Variants in SP140 observed in about 807,000 individuals in gnomAD.
SP140 encodes the protein nuclear body protein SP140.
Under a neutral mutation model 125.0 loss-of-function variants are expected in SP140, and 81 were observed. That is an observed-to-expected ratio of 0.65 (90% CI 0.54 to 0.78). The LOEUF is 0.78. Ranked by LOEUF, SP140 falls within the 30% of genes least tolerant of loss-of-function variation. SP140 has a pLI of 0.00. For missense variants in SP140, 858 were observed against 1,037.0 expected, an observed-to-expected ratio of 0.83 and a Z score of 2.37; for synonymous variants, 312 against 354.0, an observed-to-expected ratio of 0.88 and a Z score of 1.33.
intron 3 of SP140, chr2:230,219,691 T>G (rs1574816097): frequency 6.5e-6 from 1 of 153,372 alleles, no homozygotes; most frequent in Non-Finnish European, 1.4e-5. Context: ...AAAAAAGAGG[T>G]GTCAGTGTTC....
At chr2:230,300,490 A>G (rs1398245607) in intron 22 of SP140, among the ~76,000 whole-genome samples, 1 of 151,794 alleles carries the variant, frequency 6.6e-6, no homozygotes, top group Non-Finnish European at 1.5e-5. Flanking sequence ...CTTTGCAGAT[A>G]CTCCCCAGTA....
intron 1 of SP140, among the ~76,000 whole-genome samples, chr2:230,226,438 AC>A (rs752247613): frequency 6.6e-6 from 1 of 152,170 alleles, no homozygotes; most frequent in Non-Finnish European, 1.5e-5. Context: ...ATGAGACCCA[AC>A]AAAAAAGGCA....
rs1575125990 is a variant in SP140, at chr2:230,270,040, T to A, written c.1444+87T>A. The A allele has an allele frequency of 3.6e-6, 3 of 828,032 alleles. No homozygotes were observed. The East Asian group carries it at 7.3e-5, about 20-fold the overall frequency. 51.3% of individuals were successfully genotyped at this position (828,032 alleles called of 1,614,324 possible). A position where few individuals can be genotyped will look rare whatever the true frequency, so the allele number is the denominator to read the frequency against. ...GGGTGGAGGTAGGTGCTCCAGTCTG[T>A]CCAGAATTCTATTCTCCGCATTTGC... On this transcript the variant is annotated intron_variant, in intron 14 of 26. Coordinates refer to ENST00000392045, the MANE Select transcript of SP140 (RefSeq NM_007237.5).
intron 1 of SP140, among the ~76,000 whole-genome samples, chr2:230,232,479 G>T (rs1210416634): frequency 6.6e-6 from 1 of 152,230 alleles, no homozygotes; most frequent in South Asian, 2.1e-4. Context: ...TGTTGTTGTT[G>T]TTGTGAGGAT....
intron 22 of SP140, among the ~76,000 whole-genome samples, chr2:230,308,827 C>T (rs189899149): frequency 1.7e-4 from 26 of 152,306 alleles, no homozygotes; most frequent in Non-Finnish European, 3.4e-4. Flanking sequence ...TCTAGGCCCT[C>T]CCAGTGTTAC....
At position 230,241,448 on chromosome 2, in the gene SP140, T is replaced by A; in HGVS notation, c.451T>A (p.Leu151Ile). The change falls in exon 4 of 27, where the codon TTA (leucine) becomes ATA (isoleucine). Residue 151 changes from leucine to isoleucine, a missense_variant. Around this residue, in one of 4 missense-constraint regions of SP140, gnomAD observed 791 missense variants for 869.5 expected, o/e 0.91. Coordinates refer to ENST00000392045, the MANE Select transcript of SP140 (RefSeq NM_007237.5). ...SPLQMNNVND[L>I]EDRPRLLPYG... ...TCTCCAAATGAATAATGTAAACGATTTAGAAGATAGACCCAGATTACTACC... is the reference window on the plus strand; with the variant it reads ...TCTCCAAATGAATAATGTAAACGATATAGAAGATAGACCCAGATTACTACC... 1.3e-6 allele frequency: 2 copies of A among 1,595,934 alleles called. No individual in the cohort carries two copies. The highest frequency in any genetic ancestry group is 1.7e-6 in the Non-Finnish European group (2 of 1,163,508).
At chr2:230,270,448 G>T in intron 14 of SP140, 138 bp from the exon 15 acceptor site, 2 of 887,010 alleles carry the variant, frequency 2.3e-6, no homozygotes, top group South Asian at 3.5e-5. Context: ...GTGGGTTTTT[G>T]GTTCCCCTAG....
In SP140 at chr2:230,205,787, A is replaced by G. The variant is rs568937099; in HGVS notation, c.-323+2508A>G. ...TTGCAAACAAAGACGCCCAGTGTGC[A>G]GCTGGCTATGTGTTTCTTGAAGACA... On this transcript the variant is annotated intron_variant, in intron 1 of 4. Coordinates refer to the SP140 transcript ENST00000456542. 2.0e-5 allele frequency among the ~76,000 whole-genome samples: 3 copies of G among 152,322 alleles called. No individual in the cohort carries two copies. In the South Asian group the frequency reaches 6.2e-4, roughly 32 times the overall value.
rs931421213 is a variant in SP140 at position 230,212,505 on chromosome 2, T to C, written c.-322-1149T>C. On this transcript the variant is annotated intron_variant, in intron 1 of 4. Transcript: ENST00000456542. ...GAGAAGAGTGAATGTTAAAAGTGCC[T>C]GGGGCAGATAGAGCATCAAGGCACA... 86 of 1,252,392 alleles carry C rather than the reference T, an allele frequency of 6.9e-5. No homozygotes were observed. In the African/African-American group the frequency reaches 1.0e-3, roughly 15 times the overall value. The allele number at this position is 1,252,392 out of a possible 1,614,324, so 77.6% of individuals were successfully genotyped here. A position where few individuals can be genotyped will look rare whatever the true frequency, so the allele number is the denominator to read the frequency against.
chr2:230,237,398 A>T lies in SP140; in HGVS notation c.237+138A>T. Reference sequence around the variant, plus strand: ...CTGTAGGTTAGGAGGTGACAGGAGAAGCAGGCATCACAGAAAACCTCCCTT... The same window carrying T: ...CTGTAGGTTAGGAGGTGACAGGAGATGCAGGCATCACAGAAAACCTCCCTT... On this transcript the variant is annotated intron_variant, in intron 2 of 26. Transcript: ENST00000392045. This position sits in a 1 kb window ranked among gnomAD's most constrained non-coding sequence, Gnocchi z 5.4. The T allele has an allele frequency of 1.4e-6, 1 of 698,280 alleles. No individual in the cohort carries two copies. The highest frequency in any genetic ancestry group is 2.3e-6 in the Non-Finnish European group (1 of 428,248). The allele number at this position is 698,280 out of a possible 1,614,324, so 43.3% of individuals were successfully genotyped here. A position where few individuals can be genotyped will look rare whatever the true frequency, so the allele number is the denominator to read the frequency against.
intron 3 of SP140, 44 bp from the exon 4 acceptor site, chr2:230,241,360 T>C (rs778164439): frequency 2.5e-6 from 3 of 1,221,564 alleles, no homozygotes. Context: ...GTCTCTCCTC[T>C]GGTCACTGTC....
At chr2:230,268,820 G>C (rs1489027210) in intron 12 of SP140, among the ~76,000 whole-genome samples, 2 of 152,100 alleles carry the variant, frequency 1.3e-5, no homozygotes, top group Non-Finnish European at 2.9e-5. Flanking sequence ...TGGTTCCAAG[G>C]GTCCCACAGG....
chr2:230,316,246 G>C (rs544455870), downstream of SP140, among the ~76,000 whole-genome samples: 2 of 152,302 alleles, frequency 1.3e-5, no homozygotes, highest in East Asian at 3.9e-4. Context: ...CAAAGATTCA[G>C]AGATATGCCA....
chr2:230,292,392 G>A (rs1465437467), intron 19 of SP140, among the ~76,000 whole-genome samples: 1 of 152,188 alleles, frequency 6.6e-6, no homozygotes, highest in Non-Finnish European at 1.5e-5. Flanking sequence ...ATGCTTAAAA[G>A]GTTGCTCTTG....
chr2:230,272,671 G>A (rs760385734), intron 15 of SP140, among the ~76,000 whole-genome samples: 4 of 152,068 alleles, frequency 2.6e-5, no homozygotes, highest in Non-Finnish European at 4.4e-5. Context: ...CCAGTCTTGG[G>A]TGTGTCTTTA....
chr2:230,220,791 C>T (rs533311282), upstream of SP140, among the ~76,000 whole-genome samples: 1 of 152,126 alleles, frequency 6.6e-6, no homozygotes, highest in South Asian at 2.1e-4. Flanking sequence ...ATTGCTTGAG[C>T]CTAGGAGTTT....
chr2:230,264,685 C>T (rs1387735036), intron 12 of SP140, among the ~76,000 whole-genome samples: 1 of 152,196 alleles, frequency 6.6e-6, no homozygotes, highest in Non-Finnish European at 1.5e-5. Flanking sequence ...GTACTATTCT[C>T]CTCCTTTTTC....
intron 23 of SP140, 120 bp downstream of exon 23, chr2:230,310,159 C>A: frequency 3.3e-6 from 3 of 910,238 alleles, no homozygotes; most frequent in African/African-American, 3.3e-5. Flanking sequence ...TCATCGGGTA[C>A]TGGGACCCAG....
At chr2:230,199,150 T>TA (rs1168283866), upstream of SP140, among the ~76,000 whole-genome samples, 2,231 of 98,536 alleles carry the variant, frequency 0.023, 47 homozygotes, top group African/African-American at 0.11. Context: ...TTATTATTAT[T>TA]TTTTTTTTTT....
Sources: gnomAD v4.1 joint callset for allele counts (sites outside exome capture counted in the v4.1 genomes callset) on GRCh38, gnomAD v4.1.1 for gene constraint, gnomAD v4.1.1 regional missense constraint, Gnocchi (gnomAD v3.1) non-coding constraint, MANE v1.5 for transcripts, NCBI Gene and HGNC (gene_info 2026-07-23, HGNC 2026-07-21) for gene names.